SLC25A16: variants seen among roughly 807,000 people sequenced by gnomAD.
SLC25A16 encodes the protein mitochondrial coenzyme A transporter SLC25A16.
Under a neutral mutation model 41.5 loss-of-function variants are expected in SLC25A16, and 39 were observed. The observed-to-expected ratio is 0.94, with a 90% CI of 0.73 to 1.23. The LOEUF (loss-of-function observed/expected upper bound fraction) is 1.23, where lower values mean the gene tolerates loss of function less well. SLC25A16 is among the 50% of genes most tolerant of loss of function. The pLI, the probability that SLC25A16 is intolerant of heterozygous loss-of-function variation, is 0.00. For synonymous variants in SLC25A16, 146 were observed against 147.8 expected (o/e 0.99, Z 0.09); for missense variants, 421 against 426.9 (o/e 0.99, Z 0.12).
At chr10:68,492,237 G>A (rs984354329) in intron 6 of SLC25A16, among the ~76,000 whole-genome samples, 1 of 152,120 alleles carries the variant, frequency 6.6e-6, no homozygotes, top group African/African-American at 2.4e-5. Context: ...TTTGAACTGA[G>A]CAACCTGATT....
chr10:68,516,638 T>C (rs2053165480), intron 2 of SLC25A16, 113 bp downstream of exon 2: 1 of 647,718 alleles, frequency 1.5e-6, no homozygotes, highest in Non-Finnish European at 2.5e-6. Flanking sequence ...GGAAAAAAGT[T>C]TTTAAAGAGG....
intron 8 of SLC25A16, among the ~76,000 whole-genome samples, chr10:68,486,626 G>A (rs894336747): frequency 4.0e-5 from 6 of 151,600 alleles, no homozygotes; most frequent in South Asian, 2.1e-4. Context: ...CGCCCTCCTC[G>A]GATTCCCAAA....
intron 4 of SLC25A16, among the ~76,000 whole-genome samples, chr10:68,502,093 GC>G: frequency 7.0e-6 from 1 of 143,320 alleles, no homozygotes; most frequent in East Asian, 2.1e-4. Context: ...CTACTGGAGG[GC>G]TGAGGCAGGA....
chr10:68,488,772 C>G, intron 6 of SLC25A16, 143 bp from the exon 7 acceptor site: 1 of 697,864 alleles, frequency 1.4e-6, no homozygotes. Context: ...ACATAAATAA[C>G]CTAAAGATGA....
At chr10:68,493,772 A>G (rs940098556) in intron 4 of SLC25A16, among the ~76,000 whole-genome samples, 3 of 152,192 alleles carry the variant, frequency 2.0e-5, no homozygotes, top group African/African-American at 4.8e-5. Context: ...AAATGTTTTC[A>G]AGTTCTTCTC....
chr10:68,520,607 T>A (rs2053234460), intron 1 of SLC25A16, among the ~76,000 whole-genome samples: 1 of 151,836 alleles, frequency 6.6e-6, no homozygotes, highest in African/African-American at 2.4e-5. Flanking sequence ...AGGTCAGAAG[T>A]TCGAAACCAG....
At chr10:68,503,557 T>A (rs1418025411) in intron 4 of SLC25A16, 75 bp downstream of exon 4, 12 of 1,003,146 alleles carry the variant, frequency 1.2e-5, no homozygotes, top group Non-Finnish European at 1.6e-5. Context: ...ATGGCACTCA[T>A]ATAATCTAAA....
intron 2 of SLC25A16, among the ~76,000 whole-genome samples, chr10:68,507,013 A>C (rs2052966969): frequency 6.6e-6 from 1 of 151,930 alleles, no homozygotes; most frequent in African/African-American, 2.4e-5. Flanking sequence ...GCAATCTAAA[A>C]AATATTAACA....
intron 1 of SLC25A16, chr10:68,517,346 C>T (rs145153078): frequency 7.6e-6 from 5 of 653,672 alleles, no homozygotes; most frequent in Admixed American, 6.3e-5. Context: ...ATATGTATTT[C>T]GACCCTACCA....
At position 68,481,927 on chromosome 10, in the gene SLC25A16, C is replaced by T. The variant is rs1221283804; in HGVS notation, c.*1505G>A. The stretch of plus-strand genomic sequence containing the variant: ...CCTTCTAATGTCTTTAAAGTCACAT[C>T]AAAGGGCCGGGCGCCGTGGCTCACG... On this transcript the variant is annotated 3_prime_UTR_variant, in exon 9 of 9. Transcript: ENST00000609923. The T allele has an allele frequency of 1.3e-5, 2 of 152,200 alleles. No homozygotes were observed. Among genetic ancestry groups the T allele is most frequent in the Non-Finnish European group, 2.9e-5 (2 of 68,070 alleles). 9.4% of individuals were successfully genotyped at this position (152,200 alleles called of 1,614,324 possible).
chr10:68,502,787 G>A (rs1361558781), intron 4 of SLC25A16, among the ~76,000 whole-genome samples: 2 of 70,228 alleles, frequency 2.8e-5, no homozygotes, highest in Non-Finnish European at 5.6e-5. Context: ...AAAGAGGGGA[G>A]GGGAGGGGTA....
chr10:68,506,126 C>A (rs1201485807), intron 3 of SLC25A16, among the ~76,000 whole-genome samples: 1 of 152,132 alleles, frequency 6.6e-6, no homozygotes. Flanking sequence ...TATTTAAAAT[C>A]TTAAGCTGTC....
At chr10:68,525,374 G>T (rs1590133560) in intron 1 of SLC25A16, among the ~76,000 whole-genome samples, 1 of 152,204 alleles carries the variant, frequency 6.6e-6, no homozygotes, top group East Asian at 1.9e-4. Context: ...GACTTCAAGT[G>T]ATCTGCCCAC....
chr10:68,513,078 G>A (rs151220110), intron 2 of SLC25A16, among the ~76,000 whole-genome samples: 1 of 152,102 alleles, frequency 6.6e-6, no homozygotes, highest in Non-Finnish European at 1.5e-5. Flanking sequence ...GGGCGGTGAA[G>A]TCCCACGCAG....
At chr10:68,498,772 G>A (rs1471536390) in intron 4 of SLC25A16, among the ~76,000 whole-genome samples, 2 of 152,192 alleles carry the variant, frequency 1.3e-5, no homozygotes, top group Non-Finnish European at 2.9e-5. Flanking sequence ...CAGTGAGCAC[G>A]TGGTTCTAAT....
chr10:68,521,734 C>T (rs969437791), intron 1 of SLC25A16, among the ~76,000 whole-genome samples: 5 of 150,036 alleles, frequency 3.3e-5, no homozygotes, highest in African/African-American at 1.2e-4. Context: ...GCTGGGACTA[C>T]AGGCGCCCGC....
rs950198457 is a variant in SLC25A16 at position 68,505,576 on chromosome 10, C to T, written c.357+1009G>A. On this transcript the variant is annotated intron_variant, in intron 3 of 8. Coordinates refer to ENST00000609923, the MANE Select transcript of SLC25A16 (RefSeq NM_152707.4). ...ATCACCTGAATCAGGAGTTCCAGAC[C>T]AGCCTGACCAACATGGTGAAACCCC... 4.6e-5 allele frequency among the ~76,000 whole-genome samples: 7 copies of T among 151,918 alleles called. No homozygotes were observed. The South Asian group carries it at 1.5e-3, about 32-fold the overall frequency.
intron 6 of SLC25A16, among the ~76,000 whole-genome samples, chr10:68,488,990 C>A (rs545141701): frequency 6.6e-6 from 1 of 152,198 alleles, no homozygotes; most frequent in South Asian, 2.1e-4. Context: ...ACAATGATGG[C>A]CGGGCGTGGT....
chr10:68,509,762 G>T (rs985835373), intron 2 of SLC25A16, among the ~76,000 whole-genome samples: 45 of 137,544 alleles, frequency 3.3e-4, no homozygotes, highest in Admixed American at 1.2e-3. Flanking sequence ...TAGATATATA[G>T]ATATAGATAG....
Sources: allele counts gnomAD v4.1 joint callset (sites outside exome capture counted in the v4.1 genomes callset), GRCh38; gene constraint gnomAD v4.1.1; transcripts MANE v1.5; gene names NCBI Gene and HGNC (gene_info 2026-07-23, HGNC 2026-07-21).